QTMAN: variants seen among roughly 807,000 people sequenced by gnomAD.
The protein encoded by QTMAN is queuosine-tRNA mannosyltransferase.
At chr2:144,278,744 T>C in the QTMAN span, among the ~76,000 whole-genome samples, 1 of 152,070 alleles carries the variant, frequency 6.6e-6, no homozygotes, top group Admixed American at 6.6e-5. Context: ...CGTGATGGAA[T>C]CATCACAGAG....
chr2:143,957,469 T>G, the QTMAN span: 1 of 533,018 alleles, frequency 1.9e-6, no homozygotes, highest in Non-Finnish European at 3.0e-6. Context: ...TTGGAGTTGT[T>G]TGCTTTTATA....
the QTMAN span, among the ~76,000 whole-genome samples, chr2:144,294,720 A>G: frequency 6.6e-6 from 1 of 152,218 alleles, no homozygotes; most frequent in Non-Finnish European, 1.5e-5. Flanking sequence ...AAAAGAGTCT[A>G]TAAACAAATT....
chr2:144,111,085 T>C, the QTMAN span, among the ~76,000 whole-genome samples: 2 of 152,206 alleles, frequency 1.3e-5, no homozygotes, highest in Non-Finnish European at 2.9e-5. Flanking sequence ...CTGTGTTATG[T>C]ACCAAATTGA....
chr2:144,117,051 C>A, the QTMAN span, among the ~76,000 whole-genome samples: 8 of 152,274 alleles, frequency 5.3e-5, no homozygotes, highest in South Asian at 2.1e-4. Context: ...GAATACCGGT[C>A]TCTATTTAAA....
chr2:144,170,580 T>C, the QTMAN span, among the ~76,000 whole-genome samples: 28 of 152,242 alleles, frequency 1.8e-4, no homozygotes, highest in Middle Eastern at 3.4e-3. Context: ...TTATCTGTAG[T>C]ATACTGGATA....
the QTMAN span, among the ~76,000 whole-genome samples, chr2:144,121,531 C>G: frequency 1.3e-5 from 2 of 152,122 alleles, no homozygotes; most frequent in Non-Finnish European, 2.9e-5. Context: ...GTGCATCTAC[C>G]ATACACTACC....
the QTMAN span, among the ~76,000 whole-genome samples, chr2:143,989,153 G>A: frequency 6.6e-6 from 1 of 151,518 alleles, no homozygotes; most frequent in Non-Finnish European, 1.5e-5. Flanking sequence ...GTCAACCTTG[G>A]TGTTTTTAAT....
chr2:144,043,004 G>A, the QTMAN span, among the ~76,000 whole-genome samples: 3 of 151,952 alleles, frequency 2.0e-5, no homozygotes, highest in Non-Finnish European at 2.9e-5. Flanking sequence ...GGCTAATTTG[G>A]GTTATCAGCT....
At chr2:143,988,560 T>G in the QTMAN span, among the ~76,000 whole-genome samples, 1 of 152,230 alleles carries the variant, frequency 6.6e-6, no homozygotes, top group Admixed American at 6.5e-5. Context: ...GTGGTTAGAT[T>G]AAATCATTTC....
chr2:143,970,675 T>C, the QTMAN span: 1 of 1,601,884 alleles, frequency 6.2e-7, no homozygotes, highest in South Asian at 1.1e-5. Flanking sequence ...TGAAGGTTTC[T>C]CCAAGTACAG....
the QTMAN span, among the ~76,000 whole-genome samples, chr2:144,175,680 G>A: frequency 6.6e-6 from 1 of 152,000 alleles, no homozygotes; most frequent in Non-Finnish European, 1.5e-5. Flanking sequence ...CAGAGAGAGA[G>A]AGAGAGAGAG....
chr2:144,088,364 A>G, the QTMAN span, among the ~76,000 whole-genome samples: 1 of 152,134 alleles, frequency 6.6e-6, no homozygotes, highest in East Asian at 1.9e-4. Context: ...TATGGATTGG[A>G]AGAATTAATA....
At chr2:144,260,799 T>G in the QTMAN span, among the ~76,000 whole-genome samples, 2 of 152,030 alleles carry the variant, frequency 1.3e-5, no homozygotes, top group South Asian at 4.1e-4. Flanking sequence ...AAATACAACA[T>G]AAATACAACT....
At chr2:144,224,958 TACGAATAGTTCAAGAAGGTGAACCAA>T in the QTMAN span, among the ~76,000 whole-genome samples, 2 of 152,144 alleles carry the variant, frequency 1.3e-5, no homozygotes, top group Admixed American at 6.6e-5. Flanking sequence ...TAGCAAGTTA[TACGAATAGTTCAAGAAGGTGAACCAA>T]GAGCCCAGGA....
chr2:144,256,134 A>C, the QTMAN span, among the ~76,000 whole-genome samples: 21 of 152,338 alleles, frequency 1.4e-4, no homozygotes, highest in Middle Eastern at 3.4e-3. Flanking sequence ...ACAACAACAA[A>C]AAAAAATGCA....
the QTMAN span, among the ~76,000 whole-genome samples, chr2:144,225,702 T>C: frequency 6.6e-6 from 1 of 152,214 alleles, no homozygotes; most frequent in Non-Finnish European, 1.5e-5. Flanking sequence ...CAAGACTCTA[T>C]TCAAATTTCA....
chr2:144,220,177 A>G, the QTMAN span, among the ~76,000 whole-genome samples: 4 of 152,210 alleles, frequency 2.6e-5, no homozygotes, highest in African/African-American at 9.6e-5. Flanking sequence ...TGAGAGCTGT[A>G]TCACTATTTT....
the QTMAN span, among the ~76,000 whole-genome samples, chr2:144,060,458 G>T: frequency 6.6e-6 from 1 of 151,924 alleles, no homozygotes; most frequent in African/African-American, 2.4e-5. Flanking sequence ...ACAGGGTTTC[G>T]CCATGTTGGC....
the QTMAN span, among the ~76,000 whole-genome samples, chr2:144,186,698 T>G: frequency 1.3e-5 from 2 of 152,224 alleles, no homozygotes; most frequent in African/African-American, 4.8e-5. Flanking sequence ...AGTCATCCTT[T>G]ACTTTTGTGT....
Sources: allele counts gnomAD v4.1 joint callset (sites outside exome capture counted in the v4.1 genomes callset), GRCh38; gene constraint gnomAD v4.1.1; transcripts MANE v1.5; gene names NCBI Gene and HGNC (gene_info 2026-07-23, HGNC 2026-07-21).